NRG3: variants seen among roughly 807,000 people sequenced by gnomAD.
The protein encoded by NRG3 is neuregulin 3.
A neutral mutation model predicts 66.9 loss-of-function variants in NRG3; 31 were observed. The observed-to-expected ratio is 0.46, with a 90% CI of 0.35 to 0.63. NRG3 has a LOEUF of 0.63. Among genes scored for constraint, NRG3 ranks in the 20% least tolerant of loss-of-function variants. The pLI is 0.00. For synonymous variants in NRG3, 393 were observed against 359.4 expected (o/e 1.09, Z -1.06); for missense variants, 910 against 878.9 (o/e 1.04, Z -0.45).
intron 1 of NRG3, among the ~76,000 whole-genome samples, chr10:82,312,682 G>A (rs1048731160): frequency 6.6e-6 from 1 of 152,170 alleles, no homozygotes; most frequent in African/African-American, 2.4e-5. Flanking sequence ...TAATTGCCAA[G>A]TAGGGGCAAA....
chr10:82,281,865 T>G (rs2134450759), intron 1 of NRG3, among the ~76,000 whole-genome samples: 1 of 152,344 alleles, frequency 6.6e-6, no homozygotes, highest in Middle Eastern at 3.4e-3. Flanking sequence ...TAATTCATTT[T>G]TACATTATTC....
intron 2 of NRG3, among the ~76,000 whole-genome samples, chr10:82,704,887 C>T (rs2056170018): frequency 6.6e-6 from 1 of 152,142 alleles, no homozygotes; most frequent in Non-Finnish European, 1.5e-5. Flanking sequence ...TTAAAATCTT[C>T]TTTGTAAAAG....
At chr10:82,356,295 G>T (rs1055376020) in intron 1 of NRG3, among the ~76,000 whole-genome samples, 2 of 152,156 alleles carry the variant, frequency 1.3e-5, no homozygotes, top group African/African-American at 4.8e-5. Context: ...TTATGCTGTA[G>T]ATTATGTTAA....
chr10:82,955,416 G>A (rs1490439817), intron 5 of NRG3, among the ~76,000 whole-genome samples: 1 of 151,920 alleles, frequency 6.6e-6, no homozygotes, highest in Non-Finnish European at 1.5e-5. Flanking sequence ...AGTCTGGCCA[G>A]TGTGGCTCAC....
chr10:82,585,131 G>A (rs1011271965), intron 2 of NRG3, among the ~76,000 whole-genome samples: 1 of 151,940 alleles, frequency 6.6e-6, no homozygotes, highest in African/African-American at 2.4e-5. Flanking sequence ...GTGTAGGCTA[G>A]CCCAGAGATA....
At chr10:82,852,919 C>A (rs1024570219) in intron 3 of NRG3, among the ~76,000 whole-genome samples, 3 of 152,148 alleles carry the variant, frequency 2.0e-5, no homozygotes, top group Non-Finnish European at 4.4e-5. Context: ...AATTATTAGA[C>A]AATAGTTTCC....
intron 2 of NRG3, among the ~76,000 whole-genome samples, chr10:82,430,904 T>A (rs1564912596): frequency 6.6e-6 from 1 of 152,158 alleles, no homozygotes; most frequent in East Asian, 1.9e-4. Flanking sequence ...TAACCTTAAC[T>A]TTTATTTATG....
chr10:82,470,835 C>A (rs1043296834), intron 2 of NRG3, among the ~76,000 whole-genome samples: 3 of 152,184 alleles, frequency 2.0e-5, no homozygotes, highest in Admixed American at 1.3e-4. Flanking sequence ...GAAGTGAGAG[C>A]TTCCAACCCT....
At chr10:82,384,051 A>G (rs2085810440) in intron 2 of NRG3, among the ~76,000 whole-genome samples, 1 of 152,098 alleles carries the variant, frequency 6.6e-6, no homozygotes, top group South Asian at 2.1e-4. Context: ...CCTTTTTGAC[A>G]GATAATTTTG....
intron 1 of NRG3, among the ~76,000 whole-genome samples, chr10:82,076,052 A>G (rs1434313967): frequency 6.6e-6 from 1 of 152,166 alleles, no homozygotes; most frequent in Non-Finnish European, 1.5e-5. Flanking sequence ...TCCATATCAC[A>G]TTGCATCCTG....
At chr10:82,321,627 C>T (rs957210071) in intron 1 of NRG3, among the ~76,000 whole-genome samples, 2 of 152,148 alleles carry the variant, frequency 1.3e-5, no homozygotes, top group Admixed American at 6.5e-5. Context: ...GGCCCACCTA[C>T]CATTTCCTCG....
At chr10:82,698,572 A>G (rs1423676121) in intron 2 of NRG3, among the ~76,000 whole-genome samples, 1 of 152,194 alleles carries the variant, frequency 6.6e-6, no homozygotes, top group Non-Finnish European at 1.5e-5. Flanking sequence ...CAGAGACATT[A>G]TGCAGTCATT....
At chr10:82,417,488 G>A (rs536691393) in intron 2 of NRG3, among the ~76,000 whole-genome samples, 1 of 152,312 alleles carries the variant, frequency 6.6e-6, no homozygotes, top group South Asian at 2.1e-4. Flanking sequence ...AGGGCACAGT[G>A]AACAGTGTTT....
chr10:81,888,161 G>C (rs1486141918), intron 1 of NRG3, among the ~76,000 whole-genome samples: 1 of 152,032 alleles, frequency 6.6e-6, no homozygotes, highest in Non-Finnish European at 1.5e-5. Context: ...GGGTCTTCCT[G>C]GCTTCAGCAT....
intron 2 of NRG3, among the ~76,000 whole-genome samples, chr10:82,624,918 TTA>T (rs569240183): frequency 2.8e-4 from 40 of 144,324 alleles, no homozygotes; most frequent in African/African-American, 5.8e-4. Context: ...TATATATATT[TTA>T]TATATATATA....
At chr10:82,406,499 C>T (rs1268051746) in intron 2 of NRG3, among the ~76,000 whole-genome samples, 3 of 152,118 alleles carry the variant, frequency 2.0e-5, no homozygotes, top group Admixed American at 6.5e-5. Context: ...CATGTCTTCT[C>T]CTTCAGTCAC....
At chr10:82,019,480 T>C (rs1385029431) in intron 1 of NRG3, among the ~76,000 whole-genome samples, 2 of 152,164 alleles carry the variant, frequency 1.3e-5, no homozygotes, top group African/African-American at 2.4e-5. Flanking sequence ...TTCCCTCTTT[T>C]TCTATTGATT....
At chr10:81,992,974 C>T (rs1019615205) in intron 1 of NRG3, among the ~76,000 whole-genome samples, 2 of 152,136 alleles carry the variant, frequency 1.3e-5, no homozygotes, top group African/African-American at 4.8e-5. Flanking sequence ...CCCTAAATTA[C>T]TTTATCATGT....
At chr10:82,718,868 T>G (rs1348347680) in intron 2 of NRG3, among the ~76,000 whole-genome samples, 1 of 152,192 alleles carries the variant, frequency 6.6e-6, no homozygotes, top group African/African-American at 2.4e-5. Context: ...AGTTTTAGAG[T>G]AGGTCATTAA....
Sources: allele counts gnomAD v4.1 joint callset (sites outside exome capture counted in the v4.1 genomes callset), GRCh38; gene constraint gnomAD v4.1.1; transcripts MANE v1.5; gene names NCBI Gene and HGNC (gene_info 2026-07-23, HGNC 2026-07-21).